Variants in NRXN1 observed in about 807,000 individuals in gnomAD.
The protein encoded by NRXN1 is neurexin 1, also known as neurexin-1.
NRXN1 carries 39 observed loss-of-function variants against 150.9 expected under a neutral mutation model. The observed-to-expected ratio is 0.26, with a 90% CI of 0.20 to 0.34. The LOEUF is 0.34. Ranked by LOEUF, NRXN1 falls within the 10% of genes least tolerant of loss-of-function variation. The probability of loss-of-function intolerance (pLI) is 1.00; values close to 1 mark genes in which losing one functional copy is unlikely to be tolerated. For missense variants in NRXN1, 1,815 were observed against 1,949.9 expected, an observed-to-expected ratio of 0.93 and a Z score of 1.30; for synonymous variants, 924 against 757.0, an observed-to-expected ratio of 1.22 and a Z score of -3.62.
chr2:50,472,059 C>A (rs1220808757), intron 16 of NRXN1, among the ~76,000 whole-genome samples: 1 of 150,814 alleles, frequency 6.6e-6, no homozygotes, highest in East Asian at 2.0e-4. Context: ...CAAAAACAGG[C>A]AAAAAAACCA....
At chr2:50,109,284 C>G (rs1901702) in intron 18 of NRXN1, among the ~76,000 whole-genome samples, 92,736 of 151,936 alleles carry the variant, frequency 0.61, 29,155 homozygotes, top group African/African-American at 0.75. Context: ...TCTTGCTTTA[C>G]TTTCCTCATT....
intron 21 of NRXN1, among the ~76,000 whole-genome samples, chr2:50,005,002 A>C (rs1321130618): frequency 6.6e-6 from 1 of 152,120 alleles, no homozygotes; most frequent in African/African-American, 2.4e-5. Context: ...AGTTTAGAAA[A>C]CAGTGGGACA....
At chr2:50,629,369 A>G (rs563853423) in intron 5 of NRXN1, among the ~76,000 whole-genome samples, 2 of 151,810 alleles carry the variant, frequency 1.3e-5, no homozygotes, top group South Asian at 4.1e-4. Context: ...CCTGACACAA[A>G]AGAGAACATA....
chr2:50,672,261 T>A (rs956889201), intron 5 of NRXN1, among the ~76,000 whole-genome samples: 11 of 151,706 alleles, frequency 7.3e-5, no homozygotes, highest in African/African-American at 2.2e-4. Context: ...TATACCAATG[T>A]TAAAAAAAAA....
intron 6 of NRXN1, among the ~76,000 whole-genome samples, chr2:50,621,894 G>A (rs372328576): frequency 5.9e-5 from 9 of 152,198 alleles, no homozygotes; most frequent in African/African-American, 9.6e-5. Context: ...CATGCACCCC[G>A]GCTGTATAAC....
At chr2:50,389,790 T>C (rs1025562149) in intron 17 of NRXN1, among the ~76,000 whole-genome samples, 7 of 152,176 alleles carry the variant, frequency 4.6e-5, no homozygotes, top group Non-Finnish European at 1.0e-4. Context: ...GGAGAGTAAC[T>C]GGAATGTAGT....
chr2:50,506,702 G>A (rs1558850651), intron 12 of NRXN1, 85 bp from the exon 13 acceptor site: 2 of 1,380,482 alleles, frequency 1.4e-6, no homozygotes, highest in South Asian at 2.7e-5. Context: ...AAAGAGACAA[G>A]GGGGGAAGGT....
At chr2:50,256,256 G>C (rs1184385775) in intron 17 of NRXN1, among the ~76,000 whole-genome samples, 1 of 152,102 alleles carries the variant, frequency 6.6e-6, no homozygotes, top group South Asian at 2.1e-4. Context: ...GAGAAATGAT[G>C]CTACTAGGTT....
intron 8 of NRXN1, among the ~76,000 whole-genome samples, chr2:50,600,220 C>T (rs1193135211): frequency 6.6e-6 from 1 of 151,782 alleles, no homozygotes; most frequent in Non-Finnish European, 1.5e-5. Context: ...GTAGTTACAT[C>T]CTTCCAGGGA....
At chr2:51,012,393 C>T (rs915304540) in intron 2 of NRXN1, among the ~76,000 whole-genome samples, 2 of 151,988 alleles carry the variant, frequency 1.3e-5, no homozygotes, top group Admixed American at 1.3e-4. Flanking sequence ...ATGTTTTTCA[C>T]TCTTTTAGGT....
intron 2 of NRXN1, among the ~76,000 whole-genome samples, chr2:50,962,142 T>G (rs1448142143): frequency 1.3e-5 from 2 of 151,826 alleles, no homozygotes; most frequent in Non-Finnish European, 2.9e-5. Context: ...TCATTTGTAT[T>G]GAGAGTTTCC....
intron 8 of NRXN1, among the ~76,000 whole-genome samples, chr2:50,609,702 A>G (rs1266486191): frequency 6.6e-6 from 1 of 152,124 alleles, no homozygotes; most frequent in Non-Finnish European, 1.5e-5. Flanking sequence ...ATAAAAAGTT[A>G]TTGTTATTCC....
intron 8 of NRXN1, among the ~76,000 whole-genome samples, chr2:50,567,198 T>C (rs969556820): frequency 6.6e-6 from 1 of 152,188 alleles, no homozygotes; most frequent in Non-Finnish European, 1.5e-5. Context: ...AAGAATTCTT[T>C]AAGATTTTCT....
In NRXN1 at chr2:50,266,536, T is replaced by TACACACAC. The variant is rs67570666; in HGVS notation, c.3365-29574_3365-29567dup. Reference sequence around the variant, plus strand: ...AAATATATTTATATATGTATATAAATACACACACACACACACACACACACA... The same window carrying TACACACAC: ...AAATATATTTATATATGTATATAAATACACACACACACACACACACACACACACACACA... On this transcript the variant is annotated intron_variant, in intron 17 of 22. Coordinates refer to ENST00000401669, the MANE Select transcript of NRXN1 (RefSeq NM_001330078.2). Among the ~76,000 whole-genome samples, 547 of 112,778 alleles carry TACACACAC rather than the reference T, an allele frequency of 4.9e-3. 3 individuals carry two copies. Among genetic ancestry groups the TACACACAC allele is most frequent in the African/African-American group, 0.016 (505 of 31,452 alleles). The allele number at this position is 112,778 out of a possible 152,430, so 74.0% of individuals were successfully genotyped here. A position where few individuals can be genotyped will look rare whatever the true frequency, so the allele number is the denominator to read the frequency against.
chr2:50,204,518 T>C (rs1042416993), intron 18 of NRXN1, among the ~76,000 whole-genome samples: 2 of 152,028 alleles, frequency 1.3e-5, no homozygotes, highest in Non-Finnish European at 2.9e-5. Context: ...CACTGACTCA[T>C]GTGCTGCTCC....
chr2:49,922,270 G>C lies in NRXN1; in HGVS notation c.4217-19C>G. On this transcript the variant is annotated intron_variant, in intron 22 of 22. Coordinates refer to ENST00000401669, the MANE Select transcript of NRXN1 (RefSeq NM_001330078.2). ...GGGTTGGCTATAGAAAAGAGGATGA[G>C]AACAAACACAAAGTGATCATTGAGT... is the stretch of plus-strand genomic sequence containing the variant. 6.2e-7 allele frequency: 1 copy of C among 1,605,998 alleles called. No individual in the cohort carries two copies. The highest frequency in any genetic ancestry group is 1.1e-5 in the South Asian group (1 of 90,330).
chr2:50,439,930 C>A (rs1572977984), intron 17 of NRXN1, among the ~76,000 whole-genome samples: 1 of 152,100 alleles, frequency 6.6e-6, no homozygotes, highest in East Asian at 1.9e-4. Flanking sequence ...AATATGCAGA[C>A]TAAAAATCTA....
At chr2:50,711,821 T>C (rs2113404) in intron 5 of NRXN1, among the ~76,000 whole-genome samples, 31,951 of 151,954 alleles carry the variant, frequency 0.21, 3,910 homozygotes, top group East Asian at 0.45. Flanking sequence ...CCTCTGGAAG[T>C]GGTTTCTCTC....
intron 17 of NRXN1, among the ~76,000 whole-genome samples, chr2:50,314,976 T>G (rs183650689): frequency 1.3e-3 from 199 of 152,188 alleles, no homozygotes; most frequent in Non-Finnish European, 1.5e-3. Flanking sequence ...GTTATAAAAT[T>G]ATTCTGATTA....
Sources: allele counts gnomAD v4.1 joint callset (sites outside exome capture counted in the v4.1 genomes callset), GRCh38; gene constraint gnomAD v4.1.1; transcripts MANE v1.5; gene names NCBI Gene and HGNC (gene_info 2026-07-23, HGNC 2026-07-21).